Variants in SULT2B1 observed in about 807,000 individuals in gnomAD.
SULT2B1 encodes sulfotransferase 2B1.
In SULT2B1, 16 loss-of-function variants were observed where a neutral mutation model predicts 33.2. The observed-to-expected ratio is 0.48, with a 90% CI of 0.33 to 0.73. The LOEUF is 0.73. Ranked by LOEUF, SULT2B1 falls within the 30% of genes least tolerant of loss-of-function variation. The pLI, the probability that SULT2B1 is intolerant of heterozygous loss-of-function variation, is 0.02. For synonymous variants in SULT2B1, 186 were observed against 200.5 expected (o/e 0.93, Z 0.61); for missense variants, 500 against 506.0 (o/e 0.99, Z 0.11).
chr19:48,565,480 A>G (rs143904011), intron 1 of SULT2B1, among the ~76,000 whole-genome samples: 8 of 151,018 alleles, frequency 5.3e-5, no homozygotes, highest in African/African-American at 1.9e-4. Flanking sequence ...CCCAGATTCA[A>G]GCGATTCTCC....
intron 2 of SULT2B1, among the ~76,000 whole-genome samples, chr19:48,579,444 A>G (rs1973455744): frequency 6.6e-6 from 1 of 150,830 alleles, no homozygotes; most frequent in Admixed American, 6.6e-5. Context: ...CACCATACCC[A>G]GCTAATTTTT....
chr19:48,566,799 G>A (rs1973248480), intron 1 of SULT2B1, among the ~76,000 whole-genome samples: 1 of 151,442 alleles, frequency 6.6e-6, no homozygotes, highest in Admixed American at 6.6e-5. Context: ...CCAAAATTGT[G>A]TCACTGCACT....
At chr19:48,555,549 CCTCTCTCTCTCT>C (rs142655043) in intron 1 of SULT2B1, among the ~76,000 whole-genome samples, 86 of 124,100 alleles carry the variant, frequency 6.9e-4, no homozygotes, top group South Asian at 1.1e-3. Context: ...CCAGAGACAT[CCTCTCTCTCTCT>C]CTCTCTCTCT....
chr19:48,571,636 C>CAAA (rs141727418), intron 1 of SULT2B1, among the ~76,000 whole-genome samples: 4 of 137,086 alleles, frequency 2.9e-5, no homozygotes, highest in Non-Finnish European at 6.0e-5. Context: ...AGAACAATAA[C>CAAA]AAAAGAAAAA....
At chr19:48,565,578 C>T (rs544354666) in intron 1 of SULT2B1, among the ~76,000 whole-genome samples, 6 of 152,158 alleles carry the variant, frequency 3.9e-5, no homozygotes, top group African/African-American at 1.4e-4. Flanking sequence ...TGGGGTTTCA[C>T]CATGTTGGCC....
chr19:48,574,047 G>A (rs1601096906), intron 1 of SULT2B1, among the ~76,000 whole-genome samples: 1 of 152,156 alleles, frequency 6.6e-6, no homozygotes, highest in Admixed American at 6.6e-5. Flanking sequence ...TTTAAACAGA[G>A]ACAGTGTTCT....
intron 2 of SULT2B1, among the ~76,000 whole-genome samples, chr19:48,581,830 T>C (rs1409307010): frequency 6.6e-6 from 1 of 151,344 alleles, no homozygotes; most frequent in African/African-American, 2.4e-5. Context: ...TCCCAATCTA[T>C]GGCTTGTCTT....
In SULT2B1 at chr19:48,589,699, C is replaced by G. The variant is rs551834873; in HGVS notation, c.424-1910C>G. Among the ~76,000 whole-genome samples the G allele has an allele frequency of 3.0e-4, 45 of 152,288 alleles. 1 individual carries two copies. The highest frequency in any genetic ancestry group is 5.0e-4 in the Non-Finnish European group (34 of 68,032). On this transcript the variant is annotated intron_variant, in intron 3 of 6. Coordinates refer to ENST00000201586, the MANE Select transcript of SULT2B1 (RefSeq NM_177973.2). ...CAAGGGGGCCGGGCGCGGTGGCTCA[C>G]GCCTGAAATCCCAGCACTTTCAGAG...
chr19:48,573,972 C>T (rs796949263), intron 1 of SULT2B1, among the ~76,000 whole-genome samples: 24 of 152,258 alleles, frequency 1.6e-4, no homozygotes, highest in East Asian at 5.8e-4. Context: ...TTGATCCTCC[C>T]GCCTCAGACT....
intron 2 of SULT2B1, among the ~76,000 whole-genome samples, chr19:48,579,593 T>TTTTCTTTC (rs758016211): frequency 0.012 from 1,303 of 110,798 alleles, 182 homozygotes; most frequent in Middle Eastern, 0.042. Flanking sequence ...TTTTCTTTTC[T>TTTTCTTTC]TTTCTTTCTT....
intron 1 of SULT2B1, among the ~76,000 whole-genome samples, chr19:48,558,655 G>GCTTTTTCT (rs1362396289): frequency 3.3e-5 from 5 of 149,804 alleles, no homozygotes; most frequent in Non-Finnish European, 5.9e-5. Context: ...TCATGAGGCT[G>GCTTTTTCT]CTTTTTCTTT....
chr19:48,569,673 G>T (rs79359342), intron 1 of SULT2B1, among the ~76,000 whole-genome samples: 96,742 of 148,876 alleles, frequency 0.65, 31,799 homozygotes, highest in African/African-American at 0.76. Context: ...CTCAAGATTG[G>T]TTTTTTGTTC....
chr19:48,594,526 C>T (rs1410598586), intron 5 of SULT2B1, among the ~76,000 whole-genome samples: 1 of 152,194 alleles, frequency 6.6e-6, no homozygotes, highest in African/African-American at 2.4e-5. Context: ...AAACCCAGAA[C>T]TGGGCCACAG....
chr19:48,564,397 C>G (rs1396501859), intron 1 of SULT2B1, among the ~76,000 whole-genome samples: 8 of 149,322 alleles, frequency 5.4e-5, no homozygotes, highest in African/African-American at 1.5e-4. Flanking sequence ...ACTAAAAATA[C>G]AAAAAATTAG....
intron 1 of SULT2B1, among the ~76,000 whole-genome samples, chr19:48,569,965 T>C (rs886546351): frequency 1.3e-5 from 2 of 152,120 alleles, no homozygotes; most frequent in African/African-American, 2.4e-5. Flanking sequence ...CTCGTCAAGA[T>C]TGTTAATCAC....
chr19:48,595,350 G>T (rs1257444275), intron 5 of SULT2B1, among the ~76,000 whole-genome samples: 1 of 152,012 alleles, frequency 6.6e-6, no homozygotes, highest in Admixed American at 6.6e-5. Context: ...CTCTCTGGCT[G>T]TGTGGCCTTG....
At chr19:48,573,252 G>T (rs1973355517) in intron 1 of SULT2B1, among the ~76,000 whole-genome samples, 5 of 152,064 alleles carry the variant, frequency 3.3e-5, no homozygotes, top group Middle Eastern at 3.4e-3. Flanking sequence ...TCACCTGCCT[G>T]CTGTGGCCAC....
chr19:48,575,100 CTTTTTTTTTTTT>C (rs66515808), intron 1 of SULT2B1, among the ~76,000 whole-genome samples: 1 of 81,430 alleles, frequency 1.2e-5, no homozygotes, highest in African/African-American at 5.2e-5. Context: ...CTGTTTTAAC[CTTTTTTTTTTTT>C]TTTTTTTTTT....
chr19:48,565,708 T>C (rs902386388), intron 1 of SULT2B1, among the ~76,000 whole-genome samples: 3 of 152,010 alleles, frequency 2.0e-5, no homozygotes, highest in Non-Finnish European at 2.9e-5. Flanking sequence ...TTTGTTTTAA[T>C]AGAAGTTTAC....
Sources: gnomAD v4.1 joint callset for allele counts (sites outside exome capture counted in the v4.1 genomes callset) on GRCh38, gnomAD v4.1.1 for gene constraint, MANE v1.5 for transcripts, NCBI Gene and HGNC (gene_info 2026-07-23, HGNC 2026-07-21) for gene names.